The following CSMD1 variants were observed in gnomAD, a reference collection of about 807,000 sequenced individuals.
CSMD1 encodes the protein CUB and Sushi multiple domains 1, also known as CUB and sushi domain-containing protein 1.
In CSMD1, 213 loss-of-function variants were observed where a neutral mutation model predicts 417.5. That is an observed-to-expected ratio of 0.51 (90% CI 0.46 to 0.57). CSMD1 has a LOEUF of 0.57. Ranked by LOEUF, CSMD1 falls within the 20% of genes least tolerant of loss-of-function variation. The probability of loss-of-function intolerance (pLI) is 0.00; values close to 1 mark genes in which losing one functional copy is unlikely to be tolerated. For missense variants in CSMD1, 6,923 were observed against 4,529.7 expected, an observed-to-expected ratio of 1.53 and a Z score of -15.17; for synonymous variants, 2,862 against 1,736.8, an observed-to-expected ratio of 1.65 and a Z score of -16.11.
chr8:3,101,204 C>T (rs911575845), intron 46 of CSMD1, among the ~76,000 whole-genome samples: 8 of 152,082 alleles, frequency 5.3e-5, no homozygotes, highest in Non-Finnish European at 1.5e-5. Flanking sequence ...ACCACCTCTT[C>T]CCCCAAAACA....
rs147674507 is a variant in CSMD1, at chr8:4,798,294, G to C, written c.86-160736C>G. On this transcript the variant is annotated intron_variant, in intron 1 of 69. Transcript: ENST00000635120. Reference sequence around the variant, plus strand: ...TTCTGTCCTTGCGCTAGTTTGCTGAGAATGATGGTTTCTAGCTTCATCCAT... The same window carrying C: ...TTCTGTCCTTGCGCTAGTTTGCTGACAATGATGGTTTCTAGCTTCATCCAT... 4.2e-3 allele frequency among the ~76,000 whole-genome samples: 635 copies of C among 152,276 alleles called. 3 individuals carry two copies. Among genetic ancestry groups the C allele is most frequent in the Admixed American group, 9.6e-3 (147 of 15,302 alleles).
At chr8:4,023,156 A>G (rs1267263489) in intron 4 of CSMD1, among the ~76,000 whole-genome samples, 1 of 152,136 alleles carries the variant, frequency 6.6e-6, no homozygotes, top group African/African-American at 2.4e-5. Context: ...GCCCATCACA[A>G]CTCAAGTTCT....
In CSMD1 at chr8:4,297,071, T is replaced by C. The variant is rs187951294; in HGVS notation, c.415+122882A>G. Among the ~76,000 whole-genome samples, 199 of 109,984 alleles carry C rather than the reference T, an allele frequency of 1.8e-3. 1 individual carries two copies. In the East Asian group the frequency reaches 0.048, roughly 27 times the overall value. The allele number at this position is 109,984 out of a possible 152,430, so 72.2% of individuals were successfully genotyped here. On this transcript the variant is annotated intron_variant, in intron 3 of 69. Transcript: ENST00000635120. ...AATAAAAATGGTCGGATGGGTTAGA[T>C]AGGTTGAAGAGCTTGGGGAGACTCT...
chr8:4,388,514 G>C (rs574002227), intron 3 of CSMD1, among the ~76,000 whole-genome samples: 244 of 151,870 alleles, frequency 1.6e-3, no homozygotes, highest in African/African-American at 5.5e-3. Context: ...AGCATACAAA[G>C]GGCATAAGAA....
rs540394954 is a variant in CSMD1 at position 3,972,199 on chromosome 8, C to G, written c.818+25704G>C. ...TAAGACCATAGATGTGATTTCCTAT[C>G]ACTTTGTTGAAGAAAGCAGGGAGAA... On this transcript the variant is annotated intron_variant, in intron 5 of 69. Transcript: ENST00000635120. Among the ~76,000 whole-genome samples the G allele has an allele frequency of 2.0e-5, 3 of 151,904 alleles. 1 individual carries two copies. The South Asian group carries it at 6.2e-4, about 32-fold the overall frequency.
intron 1 of CSMD1, among the ~76,000 whole-genome samples, chr8:4,682,984 AT>A (rs1806143837): frequency 7.0e-6 from 1 of 143,176 alleles, no homozygotes; most frequent in Non-Finnish European, 1.5e-5. Flanking sequence ...ATATATATAT[AT>A]ATATATATAG....
At position 4,286,708 on chromosome 8, in the gene CSMD1, G is replaced by A. The variant is rs188746138; in HGVS notation, c.415+133245C>T. Among the ~76,000 whole-genome samples the A allele has an allele frequency of 5.9e-5, 9 of 152,304 alleles. No individual in the cohort carries two copies. The East Asian group carries it at 1.5e-3, about 26-fold the overall frequency. On this transcript the variant is annotated intron_variant, in intron 3 of 69. Transcript: ENST00000635120. ...CACAGTGGAAATCAAACAAGAGAAT[G>A]TATGCAGCTCACACGGTAGACTCCC...
chr8:3,189,438 G>C (rs1002632550), intron 34 of CSMD1, among the ~76,000 whole-genome samples: 4 of 152,192 alleles, frequency 2.6e-5, no homozygotes, highest in African/African-American at 9.6e-5. Context: ...ATGTACAAAT[G>C]ATTCAAGTGC....
chr8:4,082,525 T>A (rs1023999953), intron 3 of CSMD1, among the ~76,000 whole-genome samples: 2 of 152,034 alleles, frequency 1.3e-5, no homozygotes, highest in African/African-American at 4.8e-5. Flanking sequence ...AAAATAAAAC[T>A]AAAAGGAAAC....
intron 4 of CSMD1, among the ~76,000 whole-genome samples, chr8:4,029,887 G>A (rs370566269): frequency 1.4e-5 from 2 of 146,910 alleles, no homozygotes; most frequent in Non-Finnish European, 3.0e-5. Context: ...TCAAAAATGG[G>A]AGAAATTGGT....
At chr8:3,916,598 G>T (rs1230889917) in intron 5 of CSMD1, among the ~76,000 whole-genome samples, 3 of 152,120 alleles carry the variant, frequency 2.0e-5, no homozygotes, top group Non-Finnish European at 4.4e-5. Flanking sequence ...GTGACAATAT[G>T]AACTTTAGTA....
At chr8:3,271,775 T>C (rs1801876260) in intron 26 of CSMD1, among the ~76,000 whole-genome samples, 1 of 151,928 alleles carries the variant, frequency 6.6e-6, no homozygotes, top group Non-Finnish European at 1.5e-5. Flanking sequence ...TTTGATGGGG[T>C]TGTTTGTTTT....
chr8:4,154,135 G>A (rs184573994), intron 3 of CSMD1, among the ~76,000 whole-genome samples: 101 of 152,290 alleles, frequency 6.6e-4, no homozygotes, highest in South Asian at 4.1e-4. Flanking sequence ...TGCGACAGCT[G>A]AGGGTGAGAT....
At chr8:3,429,865 C>T (rs1814106435) in intron 12 of CSMD1, among the ~76,000 whole-genome samples, 1 of 152,176 alleles carries the variant, frequency 6.6e-6, no homozygotes, top group Non-Finnish European at 1.5e-5. Flanking sequence ...GCCAGCACTA[C>T]TGAGTTTGGT....
intron 2 of CSMD1, among the ~76,000 whole-genome samples, chr8:4,485,990 G>C (rs1306271420): frequency 6.6e-6 from 1 of 151,642 alleles, no homozygotes; most frequent in Non-Finnish European, 1.5e-5. Flanking sequence ...ATCTGCTTGT[G>C]AATCCCTCCT....
chr8:3,997,672 A>G (rs961084010), intron 5 of CSMD1, among the ~76,000 whole-genome samples: 2 of 152,190 alleles, frequency 1.3e-5, no homozygotes, highest in Admixed American at 1.3e-4. Context: ...CTACAAGTTC[A>G]AGCACACAGA....
chr8:2,948,045 A>T (rs1343156597), intron 68 of CSMD1, among the ~76,000 whole-genome samples: 1 of 151,940 alleles, frequency 6.6e-6, no homozygotes, highest in African/African-American at 2.4e-5. Context: ...GTACACTCAC[A>T]TTCCTCCAAA....
chr8:4,007,191 A>C (rs1816193473), intron 4 of CSMD1, among the ~76,000 whole-genome samples: 1 of 152,102 alleles, frequency 6.6e-6, no homozygotes, highest in Non-Finnish European at 1.5e-5. Flanking sequence ...CTTTCATAGA[A>C]CATGCCTTCT....
At chr8:3,877,066 G>C (rs1026787503) in intron 5 of CSMD1, among the ~76,000 whole-genome samples, 1 of 152,180 alleles carries the variant, frequency 6.6e-6, no homozygotes, top group Non-Finnish European at 1.5e-5. Flanking sequence ...TAACCACAAT[G>C]TCTTAAGGTT....
Sources: allele counts gnomAD v4.1 joint callset (sites outside exome capture counted in the v4.1 genomes callset), GRCh38; gene constraint gnomAD v4.1.1; transcripts MANE v1.5; gene names NCBI Gene and HGNC (gene_info 2026-07-23, HGNC 2026-07-21).